Variants in SLC8A1 observed in about 807,000 individuals in gnomAD.
The protein encoded by SLC8A1 is solute carrier family 8 member A1.
SLC8A1 carries 18 observed loss-of-function variants against 68.3 expected under a neutral mutation model. That is an observed-to-expected ratio of 0.26 (90% CI 0.18 to 0.39). The LOEUF (loss-of-function observed/expected upper bound fraction) is 0.39, where lower values mean the gene tolerates loss of function less well. Ranked by LOEUF, SLC8A1 falls within the 10% of genes least tolerant of loss-of-function variation. SLC8A1 has a pLI of 1.00. For missense variants in SLC8A1, 985 were observed against 1,156.7 expected (o/e 0.85, Z 2.15); for synonymous variants, 475 against 415.5 (o/e 1.14, Z -1.74).
intron 2 of SLC8A1, among the ~76,000 whole-genome samples, chr2:40,350,032 C>T (rs568556168): frequency 1.3e-5 from 2 of 152,244 alleles, no homozygotes; most frequent in African/African-American, 4.8e-5. Flanking sequence ...GTAGACTATG[C>T]ATTTTCCTAA....
intron 2 of SLC8A1, among the ~76,000 whole-genome samples, chr2:40,293,769 G>C (rs1445340429): frequency 3.3e-5 from 5 of 152,140 alleles, no homozygotes; most frequent in Non-Finnish European, 7.3e-5. Context: ...TATCAGTGCA[G>C]AGGCATATAG....
intron 2 of SLC8A1, among the ~76,000 whole-genome samples, chr2:40,269,846 G>T (rs1009110643): frequency 1.3e-5 from 2 of 151,922 alleles, no homozygotes; most frequent in Non-Finnish European, 2.9e-5. Context: ...TGCACAATGT[G>T]CAGGTTAGTT....
intron 1 of SLC8A1, among the ~76,000 whole-genome samples, chr2:40,477,050 C>T (rs1704335919): frequency 6.6e-6 from 1 of 152,096 alleles, no homozygotes; most frequent in African/African-American, 2.4e-5. Flanking sequence ...TTTGTGGGTG[C>T]ATTTTTCCTA....
intron 1 of SLC8A1, among the ~76,000 whole-genome samples, chr2:40,443,883 TAGTC>T (rs1178390175): frequency 6.6e-6 from 1 of 152,238 alleles, no homozygotes; most frequent in East Asian, 1.9e-4. Context: ...GGTTTACTGT[TAGTC>T]AATATATCAG....
exon 8 of SLC8A1, chr2:40,115,116 G>GT (rs755939167): frequency 1.6e-5 from 10 of 607,600 alleles, no homozygotes; most frequent in African/African-American, 1.5e-4. Context: ...TTCGGCCCTA[G>GT]TACAGAGTAT....
intron 2 of SLC8A1, among the ~76,000 whole-genome samples, chr2:40,341,637 G>A (rs1172229772): frequency 6.6e-6 from 1 of 152,138 alleles, no homozygotes; most frequent in African/African-American, 2.4e-5. Flanking sequence ...ATTACCCTAA[G>A]CCTCACTTCT....
chr2:40,310,746 T>G (rs950387202), intron 2 of SLC8A1, among the ~76,000 whole-genome samples: 2 of 152,042 alleles, frequency 1.3e-5, no homozygotes, highest in Admixed American at 1.3e-4. Flanking sequence ...CTCCACTCAG[T>G]AGAATACATT....
intron 2 of SLC8A1, among the ~76,000 whole-genome samples, chr2:40,290,222 T>G (rs2069052933): frequency 6.6e-6 from 1 of 150,450 alleles, no homozygotes; most frequent in South Asian, 2.1e-4. Flanking sequence ...AGTGAAAGAA[T>G]GGGAAACGCA....
At chr2:40,143,802 C>T (rs1034116810) in intron 6 of SLC8A1, among the ~76,000 whole-genome samples, 3 of 152,246 alleles carry the variant, frequency 2.0e-5, no homozygotes, top group Admixed American at 1.3e-4. Flanking sequence ...TGTTTCTTTA[C>T]GTGTCTCTCT....
At chr2:40,355,420 G>A (rs1672366001) in intron 2 of SLC8A1, among the ~76,000 whole-genome samples, 1 of 152,116 alleles carries the variant, frequency 6.6e-6, no homozygotes, top group South Asian at 2.1e-4. Flanking sequence ...AGGTCTTCCT[G>A]TTAGCTCAGC....
At chr2:40,236,957 T>C (rs1428579939) in intron 2 of SLC8A1, among the ~76,000 whole-genome samples, 1 of 152,200 alleles carries the variant, frequency 6.6e-6, no homozygotes, top group African/African-American at 2.4e-5. Context: ...GTAGGGTTTC[T>C]GCCGAGAGAT....
At chr2:40,467,401 G>A (rs1476216804) in intron 1 of SLC8A1, among the ~76,000 whole-genome samples, 2 of 152,122 alleles carry the variant, frequency 1.3e-5, no homozygotes, top group Admixed American at 1.3e-4. Flanking sequence ...TCTGATGGGG[G>A]TGGGGGTGAA....
intron 2 of SLC8A1, among the ~76,000 whole-genome samples, chr2:40,299,018 C>G (rs1021953881): frequency 2.6e-5 from 4 of 152,086 alleles, no homozygotes; most frequent in African/African-American, 7.2e-5. Context: ...GGGGAGGAGG[C>G]CTCGGCTATT....
intron 2 of SLC8A1, among the ~76,000 whole-genome samples, chr2:40,322,057 A>G (rs923963292): frequency 6.6e-6 from 1 of 152,102 alleles, no homozygotes; most frequent in African/African-American, 2.4e-5. Context: ...ATTATTCACA[A>G]AGTTCACATA....
chr2:40,398,956 T>C (rs894976068), intron 2 of SLC8A1, among the ~76,000 whole-genome samples: 1 of 152,314 alleles, frequency 6.6e-6, no homozygotes, highest in East Asian at 1.9e-4. Flanking sequence ...ATCTATCATC[T>C]ATATATTTGA....
At chr2:40,170,212 C>A in intron 4 of SLC8A1, 69 bp downstream of exon 7, 2 of 1,374,172 alleles carry the variant, frequency 1.5e-6, no homozygotes. Flanking sequence ...AAATGCATGA[C>A]TGTAATGTCT....
intron 2 of SLC8A1, among the ~76,000 whole-genome samples, chr2:40,239,493 A>G (rs932075339): frequency 1.3e-5 from 2 of 152,190 alleles, no homozygotes; most frequent in Non-Finnish European, 2.9e-5. Flanking sequence ...CCAATGCCTA[A>G]AAAAGTTAGG....
intron 1 of SLC8A1, among the ~76,000 whole-genome samples, chr2:40,463,740 T>C (rs1703473732): frequency 6.6e-6 from 1 of 151,966 alleles, no homozygotes; most frequent in African/African-American, 2.4e-5. Flanking sequence ...TTGTTCTTTT[T>C]TTGCCCATAT....
intron 2 of SLC8A1, among the ~76,000 whole-genome samples, chr2:40,418,410 A>G (rs553314777): frequency 3.6e-4 from 55 of 152,276 alleles, no homozygotes; most frequent in African/African-American, 1.3e-3. Context: ...AACAGCTCAG[A>G]AAGACTCCCA....
Sources: gnomAD v4.1 joint callset for allele counts (sites outside exome capture counted in the v4.1 genomes callset) on GRCh38, gnomAD v4.1.1 for gene constraint, MANE v1.5 for transcripts, NCBI Gene and HGNC (gene_info 2026-07-23, HGNC 2026-07-21) for gene names.